Variants in ATP13A3 observed in about 807,000 individuals in gnomAD.
ATP13A3 encodes the protein ATPase 13A3.
Under a neutral mutation model 158.1 loss-of-function variants are expected in ATP13A3, and 59 were observed. The observed-to-expected ratio is 0.37, with a 90% CI of 0.30 to 0.46. The LOEUF is 0.46. Among genes scored for constraint, ATP13A3 ranks in the 20% least tolerant of loss-of-function variants. The pLI, the probability that ATP13A3 is intolerant of heterozygous loss-of-function variation, is 1.00. For missense variants in ATP13A3, 1,166 were observed against 1,525.2 expected, an observed-to-expected ratio of 0.76 and a Z score of 3.92; for synonymous variants, 491 against 504.3, an observed-to-expected ratio of 0.97 and a Z score of 0.35.
rs182619278 is a variant in ATP13A3, at chr3:194,461,044, T to C, written c.52-213A>G. ...TAAGTAAATTTGTTGGTATTTACAC[T>C]TTGATTTTATATTTAATTTATGCCT... On this transcript the variant is annotated intron_variant, in intron 3 of 33. Coordinates refer to ENST00000645319, the MANE Select transcript of ATP13A3 (RefSeq NM_001367549.1). Among the ~76,000 whole-genome samples, 1,190 of 152,322 alleles carry C rather than the reference T, an allele frequency of 7.8e-3. 3 individuals are homozygous for C. Among genetic ancestry groups the C allele is most frequent in the Middle Eastern group, 0.031 (9 of 294 alleles).
chr3:194,473,412 C>T (rs1209216582), intron 2 of ATP13A3, among the ~76,000 whole-genome samples: 1 of 151,642 alleles, frequency 6.6e-6, no homozygotes, highest in African/African-American at 2.4e-5. Flanking sequence ...AGCAAATGAA[C>T]CTATTACAGA....
intron 9 of ATP13A3, 76 bp from the exon 10 acceptor site, chr3:194,453,854 A>C: frequency 9.2e-7 from 1 of 1,086,250 alleles, no homozygotes; most frequent in Non-Finnish European, 1.4e-6. Flanking sequence ...GTGCTAAAAA[A>C]ATAAGTTAAT....
rs1431993992 is a variant in ATP13A3, at chr3:194,454,327, A to G, written c.696T>C (p.Tyr232=). Residue 232 remains tyrosine (Y), a synonymous_variant, in exon 9 of 34, where the codon TAT becomes TAC. Transcript: ENST00000645319. ...SVILWSTDEY[Y]YYALAIVVMS... is the part of the protein sequence containing the mutation. ...TAACCACAATAGCTAGAGCATAGTA[A>G]TAGTATTCATCAGTGCTCCACAGTA... The G allele has an allele frequency of 7.5e-6, 12 of 1,607,248 alleles. No homozygotes were observed. Among genetic ancestry groups the G allele is most frequent in the East Asian group, 2.2e-5 (1 of 44,836 alleles).
intron 2 of ATP13A3, among the ~76,000 whole-genome samples, chr3:194,477,892 G>C (rs1720594768): frequency 6.6e-6 from 1 of 152,128 alleles, no homozygotes; most frequent in Non-Finnish European, 1.5e-5. Context: ...TTCTTCTTGG[G>C]TTGAATACCT....
At chr3:194,406,875 T>C (rs866386441) in intron 33 of ATP13A3, among the ~76,000 whole-genome samples, 105 of 152,348 alleles carry the variant, frequency 6.9e-4, no homozygotes, top group African/African-American at 2.4e-3. Flanking sequence ...TGTTTTATAA[T>C]GATGGTTTCC....
At position 194,447,048 on chromosome 3, in the gene ATP13A3, G is replaced by A; in HGVS notation, c.1376C>T (p.Pro459Leu). The change falls in exon 14 of 34, where the codon CCT (proline) becomes CTT (leucine). Residue 459 changes from proline (P) to leucine (L), a missense_variant. Transcript: ENST00000645319. ...IITITVPPAL[P>L]AAMTAGIVYA... ...CACAATACCAGCAGTCATTGCAGCA[G>A]GAAGTGCAGGGGGCACAGTAATTGT... 1 of 1,613,466 alleles carries A rather than the reference G, an allele frequency of 6.2e-7. No homozygotes were observed. Among genetic ancestry groups the A allele is most frequent in the East Asian group, 2.2e-5 (1 of 44,846 alleles).
intron 2 of ATP13A3, among the ~76,000 whole-genome samples, chr3:194,493,819 TA>T (rs761369304): frequency 6.6e-6 from 1 of 152,176 alleles, no homozygotes; most frequent in African/African-American, 2.4e-5. Context: ...ATGCCAACAC[TA>T]AAAGTAGTAG....
At chr3:194,433,310 C>G (rs539781440) in intron 21 of ATP13A3, among the ~76,000 whole-genome samples, 13 of 142,126 alleles carry the variant, frequency 9.1e-5, no homozygotes, top group Non-Finnish European at 2.0e-4. Context: ...GTGGCGCAAT[C>G]TCGGCTCACT....
In ATP13A3 at chr3:194,462,480, C is replaced by A. The variant is rs116370219; in HGVS notation, c.-46-244G>T. Among the ~76,000 whole-genome samples the A allele has an allele frequency of 5.0e-3, 765 of 152,242 alleles. 6 individuals are homozygous for A. Among genetic ancestry groups the A allele is most frequent in the African/African-American group, 0.017 (697 of 41,548 alleles). The stretch of plus-strand genomic sequence containing the variant: ...ATAGGAGCACAAACCCTACTGTGAA[C>A]TGCGCGTGCAAGGGATCTAGGGTGC... On this transcript the variant is annotated intron_variant, in intron 2 of 33. Transcript: ENST00000645319.
intron 8 of ATP13A3, 97 bp from the exon 9 acceptor site, chr3:194,454,489 T>A: frequency 7.8e-7 from 1 of 1,289,218 alleles, no homozygotes; most frequent in Non-Finnish European, 1.1e-6. Flanking sequence ...TACAAATATG[T>A]ACAAGATAAG....
At chr3:194,434,095 T>C (rs890606759) in intron 20 of ATP13A3, among the ~76,000 whole-genome samples, 199 bp from the exon 21 acceptor site, 1 of 152,244 alleles carries the variant, frequency 6.6e-6, no homozygotes, top group Non-Finnish European at 1.5e-5. Context: ...ATAATAATCA[T>C]TTGGAAATGT....
Position 194,427,159 on chromosome 3 carries a change from A to G in ATP13A3, c.3041T>C (p.Ile1014Thr). The G allele has an allele frequency of 1.2e-6, 2 of 1,613,942 alleles. No individual in the cohort carries two copies. Among genetic ancestry groups the G allele is most frequent in the South Asian group, 2.2e-5 (2 of 91,004 alleles). Residue 1014 changes from isoleucine (I) to threonine (T), a missense_variant, in exon 29 of 34, where the codon ATT becomes ACT. Physicochemically the swap from Ile to Thr is moderately conservative, Grantham distance 89. This residue lies in a region of ATP13A3 where 997 missense variants were observed against 1,341.2 expected (regional missense o/e 0.74). Transcript: ENST00000645319. ...GALLFSVLSQ[I>T]IICIGFQSLG... ...AGATTGAAATCCAATGCAGATGATA[A>G]TCTGAGACAAAACGGAGAAGAGAAG...
In ATP13A3 at chr3:194,461,646, A is replaced by G. The variant is rs1433898510; in HGVS notation, c.51+494T>C. 1.3e-5 allele frequency among the ~76,000 whole-genome samples: 2 copies of G among 152,220 alleles called. 1 individual carries two copies. Among genetic ancestry groups the G allele is most frequent in the Non-Finnish European group, 2.9e-5 (2 of 68,046 alleles). ...TTCAAATAATCTTTTTGTCTGTCCC[A>G]TGCAACATTTGGACATATTTATACT... On this transcript the variant is annotated intron_variant, in intron 3 of 33. Coordinates refer to ENST00000645319, the MANE Select transcript of ATP13A3 (RefSeq NM_001367549.1).
chr3:194,482,908 T>A (rs1480034626), intron 2 of ATP13A3, among the ~76,000 whole-genome samples: 2 of 151,896 alleles, frequency 1.3e-5, no homozygotes, highest in Non-Finnish European at 2.9e-5. Context: ...GAGTTCAAGA[T>A]CAGACTGGTC....
At chr3:194,429,927 A>G (rs1717094778) in intron 26 of ATP13A3, 145 bp downstream of exon 26, 1 of 953,968 alleles carries the variant, frequency 1.0e-6, no homozygotes, top group Admixed American at 2.5e-5. Context: ...GAGGAGTAGC[A>G]ATCAATCTGT....
In ATP13A3 at chr3:194,419,981, C is replaced by A; in HGVS notation, c.3314-14G>T. The A allele has an allele frequency of 2.7e-6, 4 of 1,509,210 alleles. No individual in the cohort carries two copies. The highest frequency in any genetic ancestry group is 2.7e-5 in the South Asian group (2 of 74,772). The allele number at this position is 1,509,210 out of a possible 1,614,324, so 93.5% of individuals were successfully genotyped here. A position where few individuals can be genotyped will look rare whatever the true frequency, so the allele number is the denominator to read the frequency against. ...AAACAAAAAAATCTGGAAAAGACAG[C>A]AAAAGTAAAACAAGTAAATTAGGAA... On this transcript the variant is annotated splice_polypyrimidine_tract_variant and intron_variant, in intron 30 of 33. Coordinates refer to ENST00000645319, the MANE Select transcript of ATP13A3 (RefSeq NM_001367549.1).
chr3:194,417,744 G>C (rs1715970627), intron 31 of ATP13A3, among the ~76,000 whole-genome samples: 1 of 151,880 alleles, frequency 6.6e-6, no homozygotes, highest in South Asian at 2.1e-4. Flanking sequence ...TTGGGGGTCA[G>C]ACTGGGCAAC....
upstream of ATP13A3, among the ~76,000 whole-genome samples, chr3:194,490,606 TTTTG>T (rs962674319): frequency 5.1e-4 from 78 of 152,336 alleles, no homozygotes; most frequent in Middle Eastern, 3.4e-3. This position sits in a 1 kb window ranked among gnomAD's most constrained non-coding sequence, Gnocchi z 4.4. Flanking sequence ...TTTGTTGTGT[TTTTG>T]TTTGTTTGTT....
intron 30 of ATP13A3, among the ~76,000 whole-genome samples, chr3:194,421,136 A>AT (rs1491477047): frequency 3.3e-4 from 1 of 3,022 alleles, no homozygotes; most frequent in East Asian, 0.029. Flanking sequence ...ATATATATAT[A>AT]GTATATATAT....
Sources: allele counts gnomAD v4.1 joint callset (sites outside exome capture counted in the v4.1 genomes callset), GRCh38; gene constraint gnomAD v4.1.1; regional missense constraint gnomAD v4.1.1; non-coding constraint Gnocchi (gnomAD v3.1); transcripts MANE v1.5; gene names NCBI Gene and HGNC (gene_info 2026-07-23, HGNC 2026-07-21).